The following MESD variants were observed in gnomAD, a reference collection of about 807,000 sequenced individuals.
MESD encodes the protein LRP chaperone MESD.
MESD carries 7 observed loss-of-function variants against 12.9 expected under a neutral mutation model. That is an observed-to-expected ratio of 0.54 (90% CI 0.31 to 1.02). The LOEUF (loss-of-function observed/expected upper bound fraction) is 1.02. MESD is among the 50% of genes least tolerant of loss of function. The probability of loss-of-function intolerance (pLI) is 0.05; values close to 1 mark genes in which losing one functional copy is unlikely to be tolerated. For synonymous variants in MESD, 126 were observed against 115.6 expected (o/e 1.09, Z -0.58); for missense variants, 342 against 296.7 (o/e 1.15, Z -1.12).
chr15:80,988,182 T>C (rs1902785571), intron 1 of MESD, among the ~76,000 whole-genome samples: 1 of 152,230 alleles, frequency 6.6e-6, no homozygotes, highest in Admixed American at 6.5e-5. Flanking sequence ...CTCAGCTAGC[T>C]TGCTGTGCGA....
intron 3 of MESD, among the ~76,000 whole-genome samples, chr15:80,959,181 G>T (rs964533928): frequency 6.6e-6 from 1 of 152,232 alleles, no homozygotes; most frequent in Non-Finnish European, 1.5e-5. Flanking sequence ...GGAGTTGGGG[G>T]AGACAGTTTT....
exon 5 of MESD, chr15:80,948,197 T>G: frequency 6.2e-6 from 1 of 161,342 alleles, no homozygotes. Context: ...CAAGATGGGC[T>G]GAGTATAGAC....
At chr15:80,962,836 A>T (rs934460510) in intron 3 of MESD, among the ~76,000 whole-genome samples, 1 of 152,202 alleles carries the variant, frequency 6.6e-6, no homozygotes, top group Non-Finnish European at 1.5e-5. Flanking sequence ...CATTTAAAGC[A>T]GTGTGTAGAG....
downstream of MESD, among the ~76,000 whole-genome samples, chr15:80,972,181 A>G (rs190927458): frequency 2.2e-3 from 340 of 152,306 alleles, 3 homozygotes; most frequent in African/African-American, 7.7e-3. Flanking sequence ...AGACCTGCAG[A>G]AACCTCTTCA....
chr15:80,949,401 T>C, intron 4 of MESD: 1 of 242,910 alleles, frequency 4.1e-6, no homozygotes, highest in East Asian at 9.7e-5. Context: ...TTTACTCCTG[T>C]AAGCAAGAGC....
intron 1 of MESD, among the ~76,000 whole-genome samples, chr15:80,984,324 A>G (rs1459410406): frequency 6.6e-6 from 1 of 152,202 alleles, no homozygotes; most frequent in East Asian, 1.9e-4. Context: ...CTATAACCTC[A>G]GCACTTTAGG....
Position 80,979,196 on chromosome 15 carries a change from C to A in MESD, c.*23G>T, listed in dbSNP as rs542215326. The A allele has an allele frequency of 2.6e-5, 42 of 1,603,870 alleles. No individual in the cohort carries two copies. Among genetic ancestry groups the A allele is most frequent in the South Asian group, 1.5e-4 (13 of 89,406 alleles). ...AGCTCTCCACGTCCACCTGTCCCCC[C>A]ACAGCGCGTCACTGCTGCCCCATCA... On this transcript the variant is annotated 3_prime_UTR_variant, in exon 3 of 3. Transcript: ENST00000261758.
downstream of MESD, among the ~76,000 whole-genome samples, chr15:80,972,250 ACT>A: frequency 6.6e-6 from 1 of 152,306 alleles, no homozygotes. Context: ...TTCAAGGAAA[ACT>A]TGAATATCAA....
At chr15:80,950,656 T>G (rs1335419093) in intron 4 of MESD, 2 of 152,506 alleles carry the variant, frequency 1.3e-5, no homozygotes, top group Non-Finnish European at 2.9e-5. Flanking sequence ...CCAATTTGGC[T>G]GATCTTGGGT....
chr15:80,978,926 C>T lies in MESD; in HGVS notation c.*293G>A. On this transcript the variant is annotated 3_prime_UTR_variant, in exon 3 of 3. Coordinates refer to ENST00000261758, the MANE Select transcript of MESD (RefSeq NM_015154.3). ...AGTGGAATCTCAGTAGAGTTGATGA[C>T]TCACCAAGTGTAAATGGGAAAAAGC... The T allele has an allele frequency of 2.3e-6, 1 of 437,832 alleles. No individual in the cohort carries two copies. The highest frequency in any genetic ancestry group is 4.1e-6 in the Non-Finnish European group (1 of 244,278). 27.1% of individuals were successfully genotyped at this position (437,832 alleles called of 1,614,324 possible). A position where few individuals can be genotyped will look rare whatever the true frequency, so the allele number is the denominator to read the frequency against.
chr15:80,981,692 C>T (rs1361152902), intron 2 of MESD, among the ~76,000 whole-genome samples: 3 of 150,688 alleles, frequency 2.0e-5, no homozygotes, highest in Admixed American at 2.0e-4. Context: ...CCTGTCTCTA[C>T]TAAAAATACA....
chr15:80,947,398 A>G (rs1469185770), exon 5 of MESD: 2 of 332,924 alleles, frequency 6.0e-6, no homozygotes, highest in Non-Finnish European at 1.2e-5. Context: ...CCTCCTACCC[A>G]ATTCCTGCTA....
At chr15:80,959,083 A>T (rs1379577384) in intron 3 of MESD, among the ~76,000 whole-genome samples, 1 of 152,204 alleles carries the variant, frequency 6.6e-6, no homozygotes, top group African/African-American at 2.4e-5. Flanking sequence ...GAGATTGCGG[A>T]GATTTACCAA....
intron 1 of MESD, among the ~76,000 whole-genome samples, chr15:80,982,697 T>C (rs1902613118): frequency 6.6e-6 from 1 of 152,206 alleles, no homozygotes; most frequent in African/African-American, 2.4e-5. Flanking sequence ...GAGGATTAAC[T>C]GAGAATGGAC....
chr15:80,968,319 G>C (rs1477214077), intron 3 of MESD, among the ~76,000 whole-genome samples: 1 of 152,206 alleles, frequency 6.6e-6, no homozygotes. Context: ...GGCCCATGTA[G>C]AATTCCATCC....
intron 3 of MESD, among the ~76,000 whole-genome samples, chr15:80,964,367 T>C (rs1178150397): frequency 6.6e-6 from 1 of 151,976 alleles, no homozygotes; most frequent in Non-Finnish European, 1.5e-5. Flanking sequence ...CATGGATCAA[T>C]ATCATGAAAA....
rs1169755665 is a variant in MESD at position 80,955,487 on chromosome 15, C to CA, written c.*289-3192dup. Among the ~76,000 whole-genome samples the CA allele has an allele frequency of 4.7e-3, 211 of 45,360 alleles. 2 individuals carry two copies. Among genetic ancestry groups the CA allele is most frequent in the South Asian group, 0.021 (28 of 1,316 alleles). 29.8% of individuals were successfully genotyped at this position (45,360 alleles called of 152,430 possible). A position where few individuals can be genotyped will look rare whatever the true frequency, so the allele number is the denominator to read the frequency against. ...CCTGGGCGACGGAGAGACTCCGTCT[C>CA]AAAAAAAAAAAAAAAAAAGAAATGC... is the stretch of plus-strand genomic sequence containing the variant. On this transcript the variant is annotated intron_variant, in intron 3 of 4. Transcript: ENST00000561312.
At chr15:80,952,401 A>G (rs1381602252) in intron 3 of MESD, 2 of 288,392 alleles carry the variant, frequency 6.9e-6, no homozygotes, top group South Asian at 3.2e-5. Context: ...GGCTACCTAC[A>G]TTTAAATTAA....
At position 80,980,121 on chromosome 15, in the gene MESD, G is replaced by A. The variant is rs550125292; in HGVS notation, c.447-644C>T. On this transcript the variant is annotated intron_variant, in intron 2 of 2. Coordinates refer to ENST00000261758, the MANE Select transcript of MESD (RefSeq NM_015154.3). The stretch of plus-strand genomic sequence containing the variant: ...TTCTGTTCCTTAGGGACTACACCAC[G>A]CGTTCCCCCTTCAGTTTCTAATGCT... Among the ~76,000 whole-genome samples the A allele has an allele frequency of 5.9e-5, 9 of 152,298 alleles. No homozygotes were observed. The South Asian group carries it at 1.2e-3, about 21-fold the overall frequency.
Sources: gnomAD v4.1 joint callset for allele counts (sites outside exome capture counted in the v4.1 genomes callset) on GRCh38, gnomAD v4.1.1 for gene constraint, MANE v1.5 for transcripts, NCBI Gene and HGNC (gene_info 2026-07-23, HGNC 2026-07-21) for gene names.